The following DST variants were observed in gnomAD, a reference collection of about 807,000 sequenced individuals.
DST encodes dystonin.
Under a neutral mutation model 875.2 loss-of-function variants are expected in DST, and 253 were observed. The ratio of observed to expected loss-of-function variants is 0.29; its 90% CI spans 0.26 to 0.32. The LOEUF is 0.32. DST is among the 10% of genes least tolerant of loss of function. The probability of loss-of-function intolerance (pLI) is 1.00; values close to 1 mark genes in which losing one functional copy is unlikely to be tolerated. For missense variants in DST, 8,287 were observed against 9,111.6 expected, an observed-to-expected ratio of 0.91 and a Z score of 3.68; for synonymous variants, 3,124 against 3,197.1, an observed-to-expected ratio of 0.98 and a Z score of 0.77.
chr6:56,900,276 A>G (rs1380803705), intron 3 of DST, 145 bp downstream of exon 3: 3 of 605,378 alleles, frequency 5.0e-6, no homozygotes, highest in Non-Finnish European at 5.2e-6. Flanking sequence ...CCTTGCTGAA[A>G]CTCATATGAG....
At chr6:56,679,721 A>C (rs1388351776) in intron 9 of DST, among the ~76,000 whole-genome samples, 22 of 151,954 alleles carry the variant, frequency 1.4e-4, no homozygotes, top group Admixed American at 1.4e-3. Flanking sequence ...GCAGTGAGCC[A>C]TGACTATGCC....
intron 49 of DST, among the ~76,000 whole-genome samples, chr6:56,581,995 G>A (rs113189108): frequency 0.011 from 1,674 of 151,360 alleles, 27 homozygotes; most frequent in African/African-American, 0.038. Context: ...TTTTCCACAC[G>A]TGCAAATCAA....
rs1366830782 is a variant in DST at position 56,463,084 on chromosome 6, C to A, written c.23032G>T (p.Ala7678Ser). 1 of 1,613,666 alleles carries A rather than the reference C, an allele frequency of 6.2e-7. No homozygotes were observed. The highest frequency in any genetic ancestry group is 8.5e-7 in the Non-Finnish European group (1 of 1,179,702). The change falls in exon 102 of 104, where the codon GCA (alanine) becomes TCA (serine). Residue 7678 changes from alanine to serine, a missense_variant. Ala to Ser is a moderately conservative substitution (Grantham distance 99, BLOSUM62 1). Around this residue, in one of 10 missense-constraint regions of DST, gnomAD observed 240 missense variants for 237.3 expected, o/e 1.01. Coordinates refer to ENST00000680361, the MANE Select transcript of DST (RefSeq NM_001374736.1). ...TNSKMSTPCK[A>S]AECSDFPVPS... Reference sequence around the variant, plus strand: ...ACGGGAAAGTCTGAGCACTCTGCTGCTTTACAAGGAGTTGACATTTTGCTG... The same window carrying A: ...ACGGGAAAGTCTGAGCACTCTGCTGATTTACAAGGAGTTGACATTTTGCTG...
chr6:56,526,059 T>C (rs2096791780), intron 69 of DST, among the ~76,000 whole-genome samples: 2 of 152,222 alleles, frequency 1.3e-5, no homozygotes, highest in Non-Finnish European at 2.9e-5. Flanking sequence ...ATCAGCAATA[T>C]GCATATGTGT....
In DST at chr6:56,552,854, G is replaced by T. The variant is rs771402949; in HGVS notation, c.15938C>A (p.Thr5313Asn). Residue 5313 changes from threonine (T) to asparagine (N), a missense_variant, in exon 61 of 104, where the codon ACC becomes AAC. Physicochemically the swap from Thr to Asn is moderately conservative, Grantham distance 65. Around this residue, in one of 10 missense-constraint regions of DST, gnomAD observed 1,513 missense variants for 1,677.8 expected, o/e 0.90. Transcript: ENST00000680361. ...GSQAYSNKYLTMLQTQQKSLQ... is the reference protein window; with the variant it reads ...GSQAYSNKYLNMLQTQQKSLQ... The stretch of plus-strand genomic sequence containing the variant: ...TGATTTCTGCTGAGTTTGCAACATG[G>T]TCAGGTATTTGTTACTGTAAGCCTG... The T allele has an allele frequency of 6.2e-7, 1 of 1,613,598 alleles. No homozygotes were observed. The highest frequency in any genetic ancestry group is 1.3e-5 in the African/African-American group (1 of 74,934).
chr6:56,909,767 T>C (rs912987356), intron 2 of DST, among the ~76,000 whole-genome samples: 1 of 152,186 alleles, frequency 6.6e-6, no homozygotes, highest in African/African-American at 2.4e-5. Context: ...GATGCCACCA[T>C]CATGTGAGTA....
At chr6:56,734,281 C>T (rs1426023977) in intron 5 of DST, among the ~76,000 whole-genome samples, 1 of 152,158 alleles carries the variant, frequency 6.6e-6, no homozygotes, top group Admixed American at 6.5e-5. Flanking sequence ...GTGAGAGAGA[C>T]AAGACTGACA....
chr6:56,521,480 A>T (rs748152328), intron 69 of DST, among the ~76,000 whole-genome samples: 1 of 11,690 alleles, frequency 8.6e-5, no homozygotes, highest in Non-Finnish European at 2.3e-4. Context: ...TTCCCTATTT[A>T]AAAAAAAAAA....
At chr6:56,587,754 A>G (rs2098187517) in intron 49 of DST, among the ~76,000 whole-genome samples, 2 of 152,174 alleles carry the variant, frequency 1.3e-5, no homozygotes, top group African/African-American at 4.8e-5. Context: ...GGGGGCCAAT[A>G]TTCAACATTC....
intron 83 of DST, among the ~76,000 whole-genome samples, chr6:56,493,344 GA>G (rs1379110759): frequency 6.6e-6 from 1 of 152,000 alleles, no homozygotes; most frequent in Non-Finnish European, 1.5e-5. Context: ...ATGTTTTTTG[GA>G]AATTAACCAA....
chr6:56,624,940 C>T (rs1215528884), intron 35 of DST, among the ~76,000 whole-genome samples: 1 of 151,964 alleles, frequency 6.6e-6, no homozygotes, highest in Non-Finnish European at 1.5e-5. Context: ...TGGGTGTAGA[C>T]TTTCTCTTTG....
At chr6:56,611,240 C>T (rs2098541832) in intron 38 of DST, among the ~76,000 whole-genome samples, 1 of 152,172 alleles carries the variant, frequency 6.6e-6, no homozygotes, top group Admixed American at 6.5e-5. Flanking sequence ...CTGCACTCTA[C>T]CTCTCACTTG....
intron 2 of DST, among the ~76,000 whole-genome samples, chr6:56,929,019 T>C (rs1808708042): frequency 6.6e-6 from 1 of 152,140 alleles, no homozygotes; most frequent in South Asian, 2.1e-4. Flanking sequence ...ACTGATTTTT[T>C]TTCCTTTGGA....
At chr6:56,824,768 G>A (rs943054441) in intron 4 of DST, among the ~76,000 whole-genome samples, 10 of 151,552 alleles carry the variant, frequency 6.6e-5, no homozygotes, top group Middle Eastern at 3.4e-3. Context: ...CCCTCCGCCC[G>A]GCAGCTGCCC....
At chr6:56,861,625 A>C (rs764289010) in intron 3 of DST, among the ~76,000 whole-genome samples, 34 of 152,100 alleles carry the variant, frequency 2.2e-4, no homozygotes, top group Non-Finnish European at 4.6e-4. Context: ...ATTTCATTTT[A>C]TCTCTCTTTC....
At position 56,532,211 on chromosome 6, in the gene DST, T is replaced by C. The variant is rs1457030373; in HGVS notation, c.17108+133A>G. 19 of 811,230 alleles carry C rather than the reference T, an allele frequency of 2.3e-5. No homozygotes were observed. In the South Asian group the frequency reaches 2.9e-4, roughly 12 times the overall value. The allele number at this position is 811,230 out of a possible 1,614,324, so 50.3% of individuals were successfully genotyped here. ...AATGAGGAAAGAGGCACTACAATCT[T>C]TGCTATCTCTGTTCACATACATGAT... On this transcript the variant is annotated intron_variant, in intron 64 of 103. Coordinates refer to ENST00000680361, the MANE Select transcript of DST (RefSeq NM_001374736.1).
chr6:56,747,856 T>G (rs552193833), intron 4 of DST, among the ~76,000 whole-genome samples: 1 of 152,332 alleles, frequency 6.6e-6, no homozygotes, highest in South Asian at 2.1e-4. Flanking sequence ...TATTCAGTTT[T>G]GAAAACTTTT....
chr6:56,658,184 C>A (rs903857572), intron 10 of DST, among the ~76,000 whole-genome samples: 1 of 152,172 alleles, frequency 6.6e-6, no homozygotes, highest in African/African-American at 2.4e-5. Flanking sequence ...TGCCTCAGCC[C>A]AGCCTCCCGA....
At chr6:56,863,448 A>T (rs565880145) in intron 3 of DST, among the ~76,000 whole-genome samples, 10 of 152,338 alleles carry the variant, frequency 6.6e-5, no homozygotes, top group South Asian at 6.2e-4. Context: ...TTTATGAAGT[A>T]AATTCACTCA....
Sources: allele counts gnomAD v4.1 joint callset (sites outside exome capture counted in the v4.1 genomes callset), GRCh38; gene constraint gnomAD v4.1.1; regional missense constraint gnomAD v4.1.1; transcripts MANE v1.5; gene names NCBI Gene and HGNC (gene_info 2026-07-23, HGNC 2026-07-21).